Variants in PDZD8 observed in about 807,000 individuals in gnomAD.
The protein encoded by PDZD8 is PDZ domain-containing protein 8.
In PDZD8, 14 loss-of-function variants were observed where a neutral mutation model predicts 85.8. The observed-to-expected ratio is 0.16, with a 90% CI of 0.11 to 0.26. The LOEUF (loss-of-function observed/expected upper bound fraction) is 0.26, where lower values mean the gene tolerates loss of function less well. Among genes scored for constraint, PDZD8 ranks in the 10% least tolerant of loss-of-function variants. PDZD8 has a pLI of 1.00. For missense variants in PDZD8, 1,197 were observed against 1,424.3 expected (o/e 0.84, Z 2.57); for synonymous variants, 592 against 568.6 (o/e 1.04, Z -0.59).
chr10:117,370,639 C>T (rs967123966), intron 1 of PDZD8, among the ~76,000 whole-genome samples: 17 of 152,152 alleles, frequency 1.1e-4, no homozygotes, highest in African/African-American at 3.9e-4. Flanking sequence ...GTCAGGAGTT[C>T]GAAACCAGCC....
At chr10:117,365,367 TTGAG>T (rs1845070795) in intron 1 of PDZD8, among the ~76,000 whole-genome samples, 1 of 152,196 alleles carries the variant, frequency 6.6e-6, no homozygotes, top group Non-Finnish European at 1.5e-5. Context: ...CAATGAAGTA[TTGAG>T]TATGATCCTG....
chr10:117,322,780 C>T (rs573018468), intron 2 of PDZD8, among the ~76,000 whole-genome samples: 57 of 152,196 alleles, frequency 3.7e-4, no homozygotes, highest in African/African-American at 1.1e-3. Context: ...CAACCCATCA[C>T]TAAAAAATAA....
intron 1 of PDZD8, among the ~76,000 whole-genome samples, chr10:117,352,714 C>A (rs1214404445): frequency 6.6e-6 from 1 of 152,154 alleles, no homozygotes. Flanking sequence ...ATTGTAACCA[C>A]CTGAGGGGTT....
chr10:117,345,508 G>T (rs1015701722), intron 1 of PDZD8, among the ~76,000 whole-genome samples: 1 of 152,142 alleles, frequency 6.6e-6, no homozygotes, highest in African/African-American at 2.4e-5. Context: ...TGGGTGTACT[G>T]TACTAAAATA....
intron 1 of PDZD8, among the ~76,000 whole-genome samples, chr10:117,343,457 T>C (rs912063687): frequency 1.3e-5 from 2 of 152,210 alleles, no homozygotes; most frequent in African/African-American, 4.8e-5. Flanking sequence ...TAACTAAATT[T>C]ATATCAATAT....
rs1220312419 is a variant in PDZD8, at chr10:117,285,073, G to T, written c.1660C>A (p.Pro554Thr). 6.2e-7 allele frequency: 1 copy of T among 1,613,960 alleles called. No homozygotes were observed. The highest frequency in any genetic ancestry group is 1.6e-4 in the Middle Eastern group (1 of 6,062). ...TTTCCATCTTTGGACTGAATTTTCG[G>T]TGGTAGTGGGTGACTTCCTACAGCT... is the stretch of plus-strand genomic sequence containing the variant. ...KLAVGSHPLP[P>T]KIQSKDGNKP... is the part of the protein sequence containing the mutation. Residue 554 changes from proline to threonine, a missense_variant, in exon 5 of 5, where the codon CCG becomes ACG. Pro to Thr is a conservative substitution (Grantham distance 38). Transcript: ENST00000334464.
At chr10:117,305,823 G>A (rs769603486) in intron 3 of PDZD8, among the ~76,000 whole-genome samples, 7 of 152,146 alleles carry the variant, frequency 4.6e-5, no homozygotes, top group Admixed American at 2.0e-4. Context: ...TTTAAAATTA[G>A]TTTTTGAAGA....
chr10:117,364,404 G>A (rs1845052264), intron 1 of PDZD8, among the ~76,000 whole-genome samples: 1 of 152,026 alleles, frequency 6.6e-6, no homozygotes, highest in Non-Finnish European at 1.5e-5. Flanking sequence ...ACATGTTTCA[G>A]TTCACTTTGT....
intron 1 of PDZD8, among the ~76,000 whole-genome samples, chr10:117,373,728 C>G (rs1845236404): frequency 6.6e-6 from 1 of 151,812 alleles, no homozygotes; most frequent in African/African-American, 2.4e-5. Context: ...TGCAGTAAGC[C>G]GAGATCGCGC....
intron 3 of PDZD8, among the ~76,000 whole-genome samples, chr10:117,298,489 T>C (rs1265490774): frequency 6.6e-6 from 1 of 152,152 alleles, no homozygotes; most frequent in Non-Finnish European, 1.5e-5. Flanking sequence ...CTACTCACCT[T>C]TCCCCCAAAT....
At chr10:117,334,895 AC>A (rs1356512922) in intron 2 of PDZD8, among the ~76,000 whole-genome samples, 1 of 152,118 alleles carries the variant, frequency 6.6e-6, no homozygotes, top group Non-Finnish European at 1.5e-5. Flanking sequence ...ACCTCAGGGG[AC>A]CTATGGGAAA....
At chr10:117,287,006 C>T (rs1352411158) in intron 4 of PDZD8, among the ~76,000 whole-genome samples, 2 of 152,180 alleles carry the variant, frequency 1.3e-5, no homozygotes, top group Non-Finnish European at 2.9e-5. Flanking sequence ...TCTCCCTACT[C>T]TCTTTTACTC....
intron 2 of PDZD8, among the ~76,000 whole-genome samples, chr10:117,325,404 C>CTTTTTTTTTTTTTTTTTTTTTTTTT (rs71013659): frequency 2.0e-5 from 2 of 99,824 alleles, no homozygotes; most frequent in Non-Finnish European, 3.9e-5. Flanking sequence ...GAAAAGCCAA[C>CTTTTTTTTTTTTTTTTTTTTTTTTT]TTTTTTTTTT....
intron 3 of PDZD8, among the ~76,000 whole-genome samples, chr10:117,306,379 T>C (rs1400299221): frequency 6.6e-6 from 1 of 152,220 alleles, no homozygotes; most frequent in Non-Finnish European, 1.5e-5. Flanking sequence ...TTTCTTCTTT[T>C]CTCTCTCTTT....
chr10:117,321,437 G>C (rs1844223707), intron 2 of PDZD8, among the ~76,000 whole-genome samples: 1 of 152,132 alleles, frequency 6.6e-6, no homozygotes, highest in South Asian at 2.1e-4. Context: ...ATCTTGAATA[G>C]GCAAATTTAT....
At position 117,319,732 on chromosome 10, in the gene PDZD8, T is replaced by C. The variant is rs546029071; in HGVS notation, c.996-758A>G. On this transcript the variant is annotated intron_variant, in intron 2 of 4. Coordinates refer to ENST00000334464, the MANE Select transcript of PDZD8 (RefSeq NM_173791.5). ...GGTCCAGTCACGAGATTATATAATA[T>C]AGTTTTTATTGCTGAAGAAAAAAGG... Among the ~76,000 whole-genome samples the C allele has an allele frequency of 4.6e-5, 7 of 152,238 alleles. No individual in the cohort carries two copies. The East Asian group carries it at 1.3e-3, about 29-fold the overall frequency.
chr10:117,375,249 G>A lies in PDZD8; in HGVS notation c.-22C>T. ...CCATCCCGCCACCGCCTCCGCCCGG[G>A]CCCCTACTCCCGCGCCCACAGCGCC... On this transcript the variant is annotated 5_prime_UTR_variant, in exon 1 of 5. Transcript: ENST00000334464. 1 of 1,445,804 alleles carries A rather than the reference G, an allele frequency of 6.9e-7. No individual in the cohort carries two copies. Among genetic ancestry groups the A allele is most frequent in the Non-Finnish European group, 9.1e-7 (1 of 1,104,066 alleles). 89.6% of individuals were successfully genotyped at this position (1,445,804 alleles called of 1,614,324 possible).
intron 2 of PDZD8, among the ~76,000 whole-genome samples, chr10:117,331,962 C>G (rs555235233): frequency 6.6e-6 from 1 of 152,130 alleles, no homozygotes; most frequent in African/African-American, 2.4e-5. Flanking sequence ...CCTAATTATA[C>G]GGAAGATTCT....
chr10:117,291,599 C>CT (rs1554955230), intron 3 of PDZD8, among the ~76,000 whole-genome samples: 1 of 151,300 alleles, frequency 6.6e-6, no homozygotes. Flanking sequence ...ATCGCAGCTA[C>CT]TAAGGAGGGC....
Sources: gnomAD v4.1 joint callset for allele counts (sites outside exome capture counted in the v4.1 genomes callset) on GRCh38, gnomAD v4.1.1 for gene constraint, MANE v1.5 for transcripts, NCBI Gene and HGNC (gene_info 2026-07-23, HGNC 2026-07-21) for gene names.